ST8SIA6: variants seen among roughly 807,000 people sequenced by gnomAD.
ST8SIA6 encodes the protein alpha-2,8-sialyltransferase 8F.
ST8SIA6 carries 39 observed loss-of-function variants against 33.6 expected under a neutral mutation model. The ratio of observed to expected loss-of-function variants is 1.16; its 90% CI spans 0.90 to 1.52. The LOEUF (loss-of-function observed/expected upper bound fraction) is 1.52. Ranked by LOEUF, ST8SIA6 falls within the 40% of genes most tolerant of loss-of-function variation. The pLI is 0.00. For synonymous variants in ST8SIA6, 172 were observed against 167.2 expected (o/e 1.03, Z -0.22); for missense variants, 441 against 443.8 (o/e 0.99, Z 0.06).
chr10:17,451,443 C>A (rs1179562306), intron 2 of ST8SIA6, among the ~76,000 whole-genome samples: 1 of 152,160 alleles, frequency 6.6e-6, no homozygotes, highest in Non-Finnish European at 1.5e-5. Flanking sequence ...GAGGGGAGAG[C>A]TGAGAAATTA....
intron 2 of ST8SIA6, among the ~76,000 whole-genome samples, chr10:17,415,662 G>A (rs1024100610): frequency 3.9e-5 from 6 of 151,910 alleles, no homozygotes; most frequent in East Asian, 1.9e-4. Context: ...CTTTTCTCTC[G>A]TTAAGTGATC....
chr10:17,350,920 C>T (rs918972141), intron 4 of ST8SIA6, among the ~76,000 whole-genome samples: 1 of 152,126 alleles, frequency 6.6e-6, no homozygotes. Flanking sequence ...ATGACCTGTA[C>T]ATTTAGAATC....
rs753480748 is a variant in ST8SIA6 at position 17,327,026 on chromosome 10, T to A, written c.623A>T (p.Asp208Val). Residue 208 changes from aspartate (D) to valine (V), a missense_variant, in exon 6 of 8, where the codon GAC becomes GTC. Transcript: ENST00000377602. ...TGTCAGGTCTTACCTAAAAACGAAG[T>A]CGGATTTATCTATTTCAGTTCCACA... is the stretch of plus-strand genomic sequence containing the variant. ...SLCGTEIDKS[D>V]FVFRCNLPPT... The A allele has an allele frequency of 6.3e-7, 1 of 1,596,860 alleles. No individual in the cohort carries two copies. The highest frequency in any genetic ancestry group is 8.5e-7 in the Non-Finnish European group (1 of 1,173,838).
At position 17,384,985 on chromosome 10, in the gene ST8SIA6, G is replaced by A. The variant is rs568812726; in HGVS notation, c.290+5546C>T. Among the ~76,000 whole-genome samples the A allele has an allele frequency of 3.3e-5, 5 of 152,180 alleles. No homozygotes were observed. The East Asian group carries it at 9.6e-4, about 29-fold the overall frequency. On this transcript the variant is annotated intron_variant, in intron 3 of 7. Transcript: ENST00000377602. ...AGCAATGAAAGATCAGATGAAATCT[G>A]AAACCAGAGAGTCTGTTTTGTTTTT...
chr10:17,366,796 G>A (rs892136203), intron 3 of ST8SIA6, among the ~76,000 whole-genome samples: 2 of 152,012 alleles, frequency 1.3e-5, no homozygotes, highest in Non-Finnish European at 2.9e-5. Flanking sequence ...GGATCCATGG[G>A]AGTAAATCCC....
intron 4 of ST8SIA6, among the ~76,000 whole-genome samples, chr10:17,336,455 A>T (rs917454446): frequency 3.3e-5 from 5 of 152,258 alleles, no homozygotes; most frequent in Middle Eastern, 3.4e-3. Flanking sequence ...TAAATTATAG[A>T]TCTGAGTGCA....
chr10:17,388,789 G>A (rs1213402179), intron 3 of ST8SIA6, among the ~76,000 whole-genome samples: 1 of 152,172 alleles, frequency 6.6e-6, no homozygotes, highest in East Asian at 1.9e-4. Context: ...CGTGGTTTGA[G>A]TCTGAAACAA....
chr10:17,454,541 C>T lies in ST8SIA6; in HGVS notation c.-286G>A, dbSNP rs1292944791. On this transcript the variant is annotated 5_prime_UTR_variant, in exon 1 of 8. Coordinates refer to ENST00000377602, the MANE Select transcript of ST8SIA6 (RefSeq NM_001004470.3). The surrounding 1 kb of genome is among the most constrained non-coding windows in gnomAD (Gnocchi z 4.1). Reference sequence around the variant, plus strand: ...CGATTCGCCGAGCTCGCCGCCTGTCCTCCCGGAGGCGCTCGGAGCTGCTGC... The same window carrying T: ...CGATTCGCCGAGCTCGCCGCCTGTCTTCCCGGAGGCGCTCGGAGCTGCTGC... 2.0e-5 allele frequency among the ~76,000 whole-genome samples: 3 copies of T among 152,034 alleles called. No homozygotes were observed. Among genetic ancestry groups the T allele is most frequent in the Non-Finnish European group, 4.4e-5 (3 of 67,930 alleles).
chr10:17,356,660 T>C (rs1005902710), intron 4 of ST8SIA6, among the ~76,000 whole-genome samples: 7 of 152,196 alleles, frequency 4.6e-5, no homozygotes, highest in African/African-American at 1.7e-4. Flanking sequence ...AGTGCTTGGA[T>C]TGCAGTTATG....
chr10:17,399,445 T>C (rs370786161), intron 2 of ST8SIA6, among the ~76,000 whole-genome samples: 14 of 152,354 alleles, frequency 9.2e-5, no homozygotes, highest in African/African-American at 2.6e-4. Flanking sequence ...CATTCTTTTA[T>C]ACACAAACAT....
intron 5 of ST8SIA6, among the ~76,000 whole-genome samples, chr10:17,328,342 C>T (rs1237617457): frequency 2.0e-5 from 3 of 152,168 alleles, no homozygotes; most frequent in Non-Finnish European, 4.4e-5. Context: ...AATTAATTTC[C>T]AAGACCTGAA....
At chr10:17,380,344 GCTGGTGTTAATGTCTGCTTA>G (rs1330334761) in intron 3 of ST8SIA6, among the ~76,000 whole-genome samples, 1 of 152,162 alleles carries the variant, frequency 6.6e-6, no homozygotes, top group East Asian at 1.9e-4. Flanking sequence ...TTAACAACCA[GCTGGTGTTAATGTCTGCTTA>G]CACTTACAGC....
chr10:17,453,536 G>T (rs1588943042), intron 2 of ST8SIA6, 23 bp downstream of exon 2: 1 of 1,282,002 alleles, frequency 7.8e-7, no homozygotes, highest in Non-Finnish European at 9.9e-7. Flanking sequence ...GCCCCAGTCC[G>T]CCCGCGCTGG....
chr10:17,400,031 C>T (rs1057490650), intron 2 of ST8SIA6, among the ~76,000 whole-genome samples: 1 of 151,952 alleles, frequency 6.6e-6, no homozygotes. Flanking sequence ...GAATGCAGAG[C>T]ACCACCACCT....
chr10:17,394,468 C>G (rs186047699), intron 2 of ST8SIA6, among the ~76,000 whole-genome samples: 2 of 152,068 alleles, frequency 1.3e-5, no homozygotes, highest in African/African-American at 4.8e-5. Context: ...CTTACTCTCT[C>G]AAAGTCATTA....
chr10:17,410,399 T>A (rs1439974590), intron 2 of ST8SIA6: 1 of 152,228 alleles, frequency 6.6e-6, no homozygotes, highest in African/African-American at 2.4e-5. Flanking sequence ...GAAAACTACT[T>A]CATTCAGTTA....
intron 3 of ST8SIA6, among the ~76,000 whole-genome samples, chr10:17,364,793 A>C (rs1475837461): frequency 6.6e-6 from 1 of 152,190 alleles, no homozygotes; most frequent in African/African-American, 2.4e-5. Context: ...AAATGTTCTA[A>C]ATCACATCAT....
At chr10:17,327,647 T>TGGGCTC (rs1554784790) in intron 5 of ST8SIA6, among the ~76,000 whole-genome samples, 2,856 of 152,104 alleles carry the variant, frequency 0.019, 31 homozygotes, top group African/African-American at 0.023. Flanking sequence ...CTCACATCTG[T>TGGGCTC]AATCCCAGCA....
intron 2 of ST8SIA6, among the ~76,000 whole-genome samples, chr10:17,416,930 T>C (rs1851626094): frequency 6.6e-6 from 1 of 152,338 alleles, no homozygotes; most frequent in Admixed American, 6.5e-5. Context: ...CCTGACTTAG[T>C]AGGTCTATTT....
Sources: gnomAD v4.1 joint callset for allele counts (sites outside exome capture counted in the v4.1 genomes callset) on GRCh38, gnomAD v4.1.1 for gene constraint, Gnocchi (gnomAD v3.1) non-coding constraint, MANE v1.5 for transcripts, NCBI Gene and HGNC (gene_info 2026-07-23, HGNC 2026-07-21) for gene names.